Variants in ZNF775 observed in about 807,000 individuals in gnomAD.
ZNF775 encodes the protein zinc finger protein 775.
A neutral mutation model predicts 2.4 loss-of-function variants in ZNF775; 1 was observed. The observed-to-expected ratio is 0.41, with a 90% CI of 0.15 to 1.94. ZNF775 has a LOEUF of 1.94. Among genes scored for constraint, ZNF775 ranks in the 30% most tolerant of loss-of-function variants. ZNF775 has a pLI of 0.30. For synonymous variants in ZNF775, 381 were observed against 373.3 expected, an observed-to-expected ratio of 1.02 and a Z score of -0.24; for missense variants, 823 against 826.6, an observed-to-expected ratio of 1.00 and a Z score of 0.05.
Position 150,384,041 on chromosome 7 carries a change from C to T in ZNF775, c.-49-4381C>T, listed in dbSNP as rs1800409393. ...CTCCACCTGCTGCTAGCTCAATCCC[C>T]TCTTTGTGTGGTTGGTCTTCAGTTG... On this transcript the variant is annotated intron_variant, in intron 1 of 2. Transcript: ENST00000329630. The surrounding 1 kb of genome is among the most constrained non-coding windows in gnomAD (Gnocchi z 4.1). Among the ~76,000 whole-genome samples, 2 of 152,248 alleles carry T rather than the reference C, an allele frequency of 1.3e-5. No individual in the cohort carries two copies.
chr7:150,397,520 C>T lies in ZNF775; in HGVS notation c.1039C>T (p.Arg347Cys). 2.6e-6 allele frequency: 4 copies of T among 1,562,474 alleles called. No homozygotes were observed. Among genetic ancestry groups the T allele is most frequent in the African/African-American group, 1.4e-5 (1 of 73,032 alleles). ...HPCPHCGRGF[R>C]QKQHLLKHLR... ...CTGCCCGCACTGTGGCCGCGGCTTC[C>T]GCCAGAAGCAGCACCTGCTCAAGCA... Residue 347 changes from arginine (R) to cysteine (C), a missense_variant, in exon 3 of 3, where the codon CGC becomes TGC. Coordinates refer to ENST00000329630, the MANE Select transcript of ZNF775 (RefSeq NM_173680.4).
chr7:150,380,072 T>G (rs1318948292), intron 1 of ZNF775: 1 of 152,100 alleles, frequency 6.6e-6, no homozygotes, highest in African/African-American at 2.4e-5. Context: ...TGGAGATGGG[T>G]CCTCCTTCGG....
rs1479970576 is a variant in ZNF775, at chr7:150,398,104, A to G, written c.*9A>G. The G allele has an allele frequency of 1.9e-6, 3 of 1,541,014 alleles. No homozygotes were observed. In the Admixed American group the frequency reaches 5.9e-5, roughly 30 times the overall value. ...AGGAGGAGGCGCGCTAGTGGACTGG[A>G]CCTCAGCGGACCCGTGGTGGTGCGG... On this transcript the variant is annotated 3_prime_UTR_variant, in exon 3 of 3. Coordinates refer to ENST00000329630, the MANE Select transcript of ZNF775 (RefSeq NM_173680.4).
rs774192665 is a variant in ZNF775, at chr7:150,397,240, G to A, written c.759G>A (p.Leu253=). ...GGGGGCGCCCCGAGTGGGCCTGGCT[G>A]GGGCTCTGCCAGGGCTGGTGGGGCC... ...PPRGRPEWAW[L]GLCQGWWGQP... Residue 253 remains leucine (L), a synonymous_variant, in exon 3 of 3, where the codon CTG becomes CTA. Coordinates refer to ENST00000329630, the MANE Select transcript of ZNF775 (RefSeq NM_173680.4). The A allele has an allele frequency of 8.7e-4, 1,092 of 1,257,110 alleles. 1 individual carries two copies. The highest frequency in any genetic ancestry group is 1.0e-3 in the Non-Finnish European group (1,015 of 996,492). 77.9% of individuals were successfully genotyped at this position (1,257,110 alleles called of 1,614,324 possible).
intron 2 of ZNF775, among the ~76,000 whole-genome samples, chr7:150,392,482 CCAATAA>C (rs1467887857): frequency 6.6e-6 from 1 of 152,000 alleles, no homozygotes; most frequent in Non-Finnish European, 1.5e-5. Flanking sequence ...AAGAGCCATG[CCAATAA>C]CAATAACAAC....
Position 150,397,894 on chromosome 7 carries a change from G to C in ZNF775, c.1413G>C (p.Glu471Asp). Residue 471 changes from glutamate to aspartate, a missense_variant, in exon 3 of 3, where the codon GAG becomes GAC. Physicochemically the swap from Glu to Asp is conservative, Grantham distance 45. Transcript: ENST00000329630. ...LTIHQRIHTG[E>D]RPYPCPECGR... is the part of the protein sequence containing the mutation. ...TCCACCAGCGCATCCACACGGGTGA[G>C]CGGCCCTACCCGTGCCCCGAGTGCG... The C allele has an allele frequency of 6.2e-7, 1 of 1,603,160 alleles. No homozygotes were observed. Among genetic ancestry groups the C allele is most frequent in the Non-Finnish European group, 8.5e-7 (1 of 1,178,552 alleles).
rs759000894 is a variant in ZNF775, at chr7:150,396,981, A to G, written c.500A>G (p.Glu167Gly). Residue 167 changes from glutamate (E) to glycine (G), a missense_variant, in exon 3 of 3, where the codon GAG becomes GGG. By Grantham distance (98) the Glu-to-Gly change is moderately conservative. Coordinates refer to ENST00000329630, the MANE Select transcript of ZNF775 (RefSeq NM_173680.4). ...HTGERPFCCP[E>G]CARRFSQKQH... Reference sequence around the variant, plus strand: ...GGCGAGCGACCCTTCTGCTGCCCCGAGTGCGCGCGGCGCTTCAGCCAGAAG... The same window carrying G: ...GGCGAGCGACCCTTCTGCTGCCCCGGGTGCGCGCGGCGCTTCAGCCAGAAG... 4 of 1,599,448 alleles carry G rather than the reference A, an allele frequency of 2.5e-6. No individual in the cohort carries two copies. The highest frequency in any genetic ancestry group is 4.5e-5 in the East Asian group (2 of 44,822).
Position 150,397,748 on chromosome 7 carries a change from C to T in ZNF775, c.1267C>T (p.Pro423Ser), listed in dbSNP as rs753309425. Reference protein sequence around the residue: ...AARPRSSQRSPGARDTLWGRG... With the variant: ...AARPRSSQRSSGARDTLWGRG... ...GAGGCCGCGGAGCTCCCAACGGTCCCCGGGGGCCCGGGACACGCTGTGGGG... is the reference window on the plus strand; with the variant it reads ...GAGGCCGCGGAGCTCCCAACGGTCCTCGGGGGCCCGGGACACGCTGTGGGG... The change falls in exon 3 of 3, where the codon CCG (proline) becomes TCG (serine). Residue 423 changes from proline (P) to serine (S), a missense_variant. Transcript: ENST00000329630. 6.7e-7 allele frequency: 1 copy of T among 1,482,468 alleles called. No individual in the cohort carries two copies. Among genetic ancestry groups the T allele is most frequent in the South Asian group, 1.3e-5 (1 of 77,116 alleles). The allele number at this position is 1,482,468 out of a possible 1,614,324, so 91.8% of individuals were successfully genotyped here. A position where few individuals can be genotyped will look rare whatever the true frequency, so the allele number is the denominator to read the frequency against.
intron 1 of ZNF775, among the ~76,000 whole-genome samples, chr7:150,380,705 G>A (rs1167219212): frequency 6.6e-6 from 1 of 152,188 alleles, no homozygotes. Context: ...AGTCCATTTG[G>A]TGGGGGTCTG....
intron 1 of ZNF775, chr7:150,380,213 C>T (rs1428607388): frequency 6.6e-6 from 1 of 152,210 alleles, no homozygotes; most frequent in Admixed American, 6.5e-5. Flanking sequence ...GATTAGATGG[C>T]AGTTGTCTCC....
Position 150,396,792 on chromosome 7 carries a change from A to C in ZNF775, c.311A>C (p.Glu104Ala). Residue 104 changes from glutamate (E) to alanine (A), a missense_variant, in exon 3 of 3, where the codon GAG becomes GCG. Physicochemically the swap from Glu to Ala is moderately radical, Grantham distance 107. Coordinates refer to ENST00000329630, the MANE Select transcript of ZNF775 (RefSeq NM_173680.4). ...CTGAGCCCCTCGCTTTCCTCCGGCG[A>C]GGGTCACTTTGTATGCCTGGACTGC... ...GPLSPSLSSGEGHFVCLDCGK... is the reference protein window; with the variant it reads ...GPLSPSLSSGAGHFVCLDCGK... 6.3e-7 allele frequency: 1 copy of C among 1,598,444 alleles called. No homozygotes were observed.
At chr7:150,386,818 C>T (rs1027143975) in intron 1 of ZNF775, among the ~76,000 whole-genome samples, 4 of 152,224 alleles carry the variant, frequency 2.6e-5, no homozygotes, top group Non-Finnish European at 4.4e-5. Flanking sequence ...GCAGCACATT[C>T]CTGCCACCTG....
At position 150,384,640 on chromosome 7, in the gene ZNF775, C is replaced by T. The variant is rs1273245170; in HGVS notation, c.-49-3782C>T. Among the ~76,000 whole-genome samples, 1 of 152,174 alleles carries T rather than the reference C, an allele frequency of 6.6e-6. No homozygotes were observed. The highest frequency in any genetic ancestry group is 2.4e-5 in the African/African-American group (1 of 41,444). On this transcript the variant is annotated intron_variant, in intron 1 of 2. Coordinates refer to ENST00000329630, the MANE Select transcript of ZNF775 (RefSeq NM_173680.4). This position sits in a 1 kb window ranked among gnomAD's most constrained non-coding sequence, Gnocchi z 4.1. ...GACTTGGCCTCCCCTCATTCCTGTC[C>T]TCTGTGTTTCCCCCTTTGAATTTCT...
rs916251225 is a variant in ZNF775, at chr7:150,381,800, C to A, written c.-50+2408C>A. Among the ~76,000 whole-genome samples, 3 of 152,088 alleles carry A rather than the reference C, an allele frequency of 2.0e-5. No homozygotes were observed. The East Asian group carries it at 5.8e-4, about 29-fold the overall frequency. On this transcript the variant is annotated intron_variant, in intron 1 of 2. Coordinates refer to ENST00000329630, the MANE Select transcript of ZNF775 (RefSeq NM_173680.4). ...TTCCCTTGGCTCCCCTCCTCTGTTC[C>A]CTCCCCAGATTGAGGACTGGGGTGT...
At chr7:150,391,760 G>A (rs1262216304) in intron 2 of ZNF775, among the ~76,000 whole-genome samples, 1 of 124,328 alleles carries the variant, frequency 8.0e-6, no homozygotes, top group African/African-American at 3.1e-5. Flanking sequence ...TGCCCAGGCT[G>A]GAGTGCAGTG....
At chr7:150,381,045 A>T (rs1271587153) in intron 1 of ZNF775, among the ~76,000 whole-genome samples, 1 of 152,140 alleles carries the variant, frequency 6.6e-6, no homozygotes, top group Admixed American at 6.5e-5. Context: ...CTCTTCAGAG[A>T]TTGTTAGCAG....
intron 2 of ZNF775, among the ~76,000 whole-genome samples, chr7:150,392,523 A>C (rs1800576228): frequency 7.0e-6 from 1 of 143,108 alleles, no homozygotes; most frequent in Non-Finnish European, 1.5e-5. Flanking sequence ...GTTCGGTTTT[A>C]TTTTCTTTTT....
rs1345757023 is a variant in ZNF775, at chr7:150,397,912, C to T, written c.1431C>T (p.Pro477=). ...IHTGERPYPC[P]ECGRRFSQKP... is the part of the protein sequence containing the mutation. ...CGGGTGAGCGGCCCTACCCGTGCCC[C>T]GAGTGCGGCCGCCGCTTCAGCCAGA... The change falls in exon 3 of 3, where the codon CCC becomes CCT. Residue 477 remains proline (P), a synonymous_variant. Coordinates refer to ENST00000329630, the MANE Select transcript of ZNF775 (RefSeq NM_173680.4). 3 of 1,601,424 alleles carry T rather than the reference C, an allele frequency of 1.9e-6. No homozygotes were observed. Among genetic ancestry groups the T allele is most frequent in the Middle Eastern group, 1.7e-4 (1 of 6,058 alleles).
At chr7:150,387,647 A>T (rs893488769) in intron 1 of ZNF775, among the ~76,000 whole-genome samples, 1 of 152,160 alleles carries the variant, frequency 6.6e-6, no homozygotes, top group African/African-American at 2.4e-5. Context: ...CCCCGTCTCT[A>T]CTAAAAATAC....
Sources: allele counts gnomAD v4.1 joint callset (sites outside exome capture counted in the v4.1 genomes callset), GRCh38; gene constraint gnomAD v4.1.1; non-coding constraint Gnocchi (gnomAD v3.1); transcripts MANE v1.5; gene names NCBI Gene and HGNC (gene_info 2026-07-23, HGNC 2026-07-21).